The following WDR44 variants were observed in gnomAD, a reference collection of about 807,000 sequenced individuals.
The protein encoded by WDR44 is WD repeat-containing protein 44.
A neutral mutation model predicts 65.7 loss-of-function variants in WDR44; 9 were observed. The observed-to-expected ratio is 0.14, with a 90% CI of 0.08 to 0.24. The LOEUF is 0.24. Among genes scored for constraint, WDR44 ranks in the 10% least tolerant of loss-of-function variants. The probability of loss-of-function intolerance (pLI) is 1.00; values close to 1 mark genes in which losing one functional copy is unlikely to be tolerated. For missense variants in WDR44, 425 were observed against 670.9 expected (o/e 0.63, Z 4.05); for synonymous variants, 220 against 235.2 (o/e 0.94, Z 0.59).
At chrX:118,417,909 T>C (rs1010077524) in intron 12 of WDR44, among the ~76,000 whole-genome samples, 10 of 112,046 alleles carry the variant, frequency 8.9e-5, no homozygotes, top group Admixed American at 6.7e-4. Flanking sequence ...CTTTGTTGTA[T>C]TGGGTTAATT....
At chrX:118,362,217 G>A (rs1351101813) in intron 1 of WDR44, among the ~76,000 whole-genome samples, 5 of 112,171 alleles carry the variant, frequency 4.5e-5, no homozygotes, top group African/African-American at 9.7e-5. Context: ...ATAATATAAC[G>A]AATATTTCTA....
intron 9 of WDR44, among the ~76,000 whole-genome samples, chrX:118,406,227 C>T (rs1212558650): frequency 9.0e-6 from 1 of 110,821 alleles, no homozygotes; most frequent in African/African-American, 3.3e-5. Context: ...ATTTTGGTAC[C>T]CATAGCAGGT....
intron 1 of WDR44, among the ~76,000 whole-genome samples, chrX:118,375,594 T>C (rs1315962075): frequency 9.0e-6 from 1 of 111,422 alleles, no homozygotes; most frequent in East Asian, 2.8e-4. Context: ...ACTTGTATTA[T>C]TTAAGATATC....
chrX:118,434,939 A>T (rs2057242058), intron 13 of WDR44, among the ~76,000 whole-genome samples: 1 of 111,471 alleles, frequency 9.0e-6, no homozygotes. Flanking sequence ...AGACAACCTG[A>T]TTTTGTCTCG....
At chrX:118,405,198 G>C (rs2056953839) in intron 9 of WDR44, among the ~76,000 whole-genome samples, 1 of 109,808 alleles carries the variant, frequency 9.1e-6, no homozygotes. Context: ...ACCACACCTG[G>C]CTAATTTTTG....
chrX:118,444,561 G>A (rs2057330115), intron 19 of WDR44, 67 bp downstream of exon 19: 7 of 1,095,549 alleles, frequency 6.4e-6, no homozygotes, highest in African/African-American at 1.8e-5. Context: ...TCTCATTTGA[G>A]TATAATAAGG....
chrX:118,346,119 CA>C lies in WDR44; in HGVS notation c.-383del, dbSNP rs1378332089. On this transcript the variant is annotated 5_prime_UTR_variant, in exon 1 of 20. Transcript: ENST00000254029. The stretch of plus-strand genomic sequence containing the variant: ...TAGGTGCGCGTCGGTATTTTGCGGG[CA>C]ACTAGCTCTTCCAGCTGCTGTAAAT... The C allele has an allele frequency of 3.3e-6, 1 of 299,591 alleles. No homozygotes were observed. The highest frequency in any genetic ancestry group is 2.7e-5 in the African/African-American group (1 of 36,513). 24.7% of individuals were successfully genotyped at this position (299,591 alleles called of 1,213,427 possible). A position where few individuals can be genotyped will look rare whatever the true frequency, so the allele number is the denominator to read the frequency against.
In WDR44 at chrX:118,438,193, A is replaced by T. The variant is rs529340859; in HGVS notation, c.1974+1369A>T. On this transcript the variant is annotated intron_variant, in intron 14 of 19. Transcript: ENST00000254029. Reference sequence around the variant, plus strand: ...ACCCCACCTTTATCACACACAAAAAAACTATGTTAATTCTTACCAGTTTTG... The same window carrying T: ...ACCCCACCTTTATCACACACAAAAATACTATGTTAATTCTTACCAGTTTTG... 7.2e-5 allele frequency among the ~76,000 whole-genome samples: 8 copies of T among 110,962 alleles called. No individual in the cohort carries two copies. The South Asian group carries it at 2.3e-3, about 32-fold the overall frequency.
chrX:118,444,560 A>G, intron 19 of WDR44, 66 bp downstream of exon 19: 1 of 1,115,076 alleles, frequency 9.0e-7, no homozygotes, highest in Non-Finnish European at 1.2e-6. Context: ...ATCTCATTTG[A>G]GTATAATAAG....
At chrX:118,352,352 A>ATATT (rs1357425730) in intron 1 of WDR44, among the ~76,000 whole-genome samples, 3 of 14,224 alleles carry the variant, frequency 2.1e-4, no homozygotes, top group African/African-American at 3.7e-4. Context: ...ATATATATAT[A>ATATT]TTTTTTTTTT....
Position 118,409,470 on chromosome X carries a change from ACTT to A in WDR44, c.1534-15_1534-13del, listed in dbSNP as rs753859105. The A allele has an allele frequency of 6.7e-6, 8 of 1,202,754 alleles. No homozygotes were observed. The East Asian group carries it at 8.9e-5, about 13-fold the overall frequency. On this transcript the variant is annotated splice_polypyrimidine_tract_variant and intron_variant, in intron 10 of 19. Coordinates refer to ENST00000254029, the MANE Select transcript of WDR44 (RefSeq NM_019045.5). ...AAAGGTGTAAAGTATTAACTTTGAA[ACTT>A]CTTTTGTTTTCATAGGGAGCTGTTT...
chrX:118,370,381 C>T (rs1013108675), intron 1 of WDR44, among the ~76,000 whole-genome samples: 3 of 110,613 alleles, frequency 2.7e-5, no homozygotes, highest in African/African-American at 6.6e-5. Flanking sequence ...GCTGTCCTCA[C>T]GATGAATGAC....
chrX:118,416,949 T>C (rs1049000125), intron 12 of WDR44, among the ~76,000 whole-genome samples: 39 of 112,214 alleles, frequency 3.5e-4, no homozygotes, highest in African/African-American at 1.3e-3. Context: ...ATGTCCCTCT[T>C]TGTCTCTTTT....
intron 1 of WDR44, among the ~76,000 whole-genome samples, chrX:118,372,680 A>G (rs1328061360): frequency 8.9e-6 from 1 of 112,467 alleles, no homozygotes; most frequent in Non-Finnish European, 1.9e-5. Flanking sequence ...CCTTCACCAT[A>G]CAATTTCATA....
chrX:118,432,178 G>A (rs944919530), intron 12 of WDR44, among the ~76,000 whole-genome samples: 3 of 111,480 alleles, frequency 2.7e-5, no homozygotes, highest in African/African-American at 3.3e-5. Flanking sequence ...CAGTAGCATC[G>A]TCCTACTATC....
Position 118,419,151 on chromosome X carries a change from A to G in WDR44, c.1737+8192A>G, listed in dbSNP as rs561978736. ...AAAAGGCTTGGTTCTTTCCCCACCTATGGAGTCTGCACACCGGATTCGTGC... is the reference window on the plus strand; with the variant it reads ...AAAAGGCTTGGTTCTTTCCCCACCTGTGGAGTCTGCACACCGGATTCGTGC... On this transcript the variant is annotated intron_variant, in intron 12 of 19. Coordinates refer to ENST00000254029, the MANE Select transcript of WDR44 (RefSeq NM_019045.5). Among the ~76,000 whole-genome samples the G allele has an allele frequency of 5.7e-4, 64 of 111,405 alleles. 1 individual carries two copies. The South Asian group carries it at 0.019, about 32-fold the overall frequency.
At chrX:118,431,715 G>A (rs190638439) in intron 12 of WDR44, among the ~76,000 whole-genome samples, 2 of 111,802 alleles carry the variant, frequency 1.8e-5, no homozygotes, top group East Asian at 2.8e-4. Flanking sequence ...CTAAATATGC[G>A]AGGCTTAGCT....
rs760320293 is a variant in WDR44 at position 118,443,703 on chromosome X, C to T, written c.2512+16C>T. 3.4e-6 allele frequency: 4 copies of T among 1,184,963 alleles called. No individual in the cohort carries two copies. In the East Asian group the frequency reaches 1.2e-4, roughly 36 times the overall value. On this transcript the variant is annotated intron_variant, in intron 18 of 19. Coordinates refer to ENST00000254029, the MANE Select transcript of WDR44 (RefSeq NM_019045.5). ...GGTATTAAAGGTAAGTACATACTTG[C>T]TTTTGTGTGTCTTATAAGAGAATCA... is the stretch of plus-strand genomic sequence containing the variant.
At chrX:118,369,451 G>A (rs1203068448) in intron 1 of WDR44, among the ~76,000 whole-genome samples, 4 of 96,497 alleles carry the variant, frequency 4.1e-5, no homozygotes, top group Non-Finnish European at 6.1e-5. Flanking sequence ...GATTACAGGT[G>A]TGAGCCACCA....
Sources: gnomAD v4.1 joint callset for allele counts (sites outside exome capture counted in the v4.1 genomes callset) on GRCh38, gnomAD v4.1.1 for gene constraint, MANE v1.5 for transcripts, NCBI Gene and HGNC (gene_info 2026-07-23, HGNC 2026-07-21) for gene names.